The following FARSB variants were observed in gnomAD, a reference collection of about 807,000 sequenced individuals.
The protein encoded by FARSB is phenylalanine--tRNA ligase beta subunit.
Under a neutral mutation model 69.6 loss-of-function variants are expected in FARSB, and 40 were observed. The ratio of observed to expected loss-of-function variants is 0.57; its 90% CI spans 0.45 to 0.75. The LOEUF (loss-of-function observed/expected upper bound fraction) is 0.75, where lower values mean the gene tolerates loss of function less well. FARSB is among the 30% of genes least tolerant of loss of function. The pLI, the probability that FARSB is intolerant of heterozygous loss-of-function variation, is 0.00. For synonymous variants in FARSB, 235 were observed against 247.2 expected (o/e 0.95, Z 0.46); for missense variants, 632 against 722.9 (o/e 0.87, Z 1.44).
chr2:222,602,642 C>T (rs1201119571), intron 15 of FARSB, among the ~76,000 whole-genome samples: 5 of 148,222 alleles, frequency 3.4e-5, no homozygotes, highest in Non-Finnish European at 7.4e-5. Context: ...TATTATTATA[C>T]TTTAAGTTTT....
chr2:222,617,844 C>A (rs2106213372), intron 14 of FARSB, among the ~76,000 whole-genome samples: 1 of 152,338 alleles, frequency 6.6e-6, no homozygotes, highest in South Asian at 2.1e-4. Flanking sequence ...GATCAGGACA[C>A]TGCACTTCAG....
At chr2:222,623,284 T>C (rs1691186486) in intron 13 of FARSB, among the ~76,000 whole-genome samples, 1 of 152,164 alleles carries the variant, frequency 6.6e-6, no homozygotes, top group South Asian at 2.1e-4. Context: ...CCACAAGCCT[T>C]TACCCAGGAC....
chr2:222,591,393 A>G (rs1208432281), intron 16 of FARSB, among the ~76,000 whole-genome samples: 1 of 152,192 alleles, frequency 6.6e-6, no homozygotes, highest in Admixed American at 6.5e-5. Flanking sequence ...ACTAGAGAAC[A>G]CCCAAAGCCT....
chr2:222,641,075 T>TA (rs757997052), intron 3 of FARSB, 144 bp from the exon 4 acceptor site: 22,684 of 268,192 alleles, frequency 0.085, no homozygotes, highest in Middle Eastern at 0.12. Context: ...GGCTGAACAC[T>TA]AAAAAAAAAA....
chr2:222,603,489 G>C (rs891030055), intron 15 of FARSB, among the ~76,000 whole-genome samples: 6 of 151,566 alleles, frequency 4.0e-5, no homozygotes, highest in Non-Finnish European at 5.9e-5. Context: ...CACATGCTAG[G>C]TATTAACTAT....
chr2:222,571,596 G>A lies in FARSB; in HGVS notation c.*275C>T, dbSNP rs1337660463. On this transcript the variant is annotated 3_prime_UTR_variant, in exon 17 of 17. Transcript: ENST00000281828. ...GTCTGAGGAGCACGTCTGCCTTTCA[G>A]AACAGATCCTGCACTCTGCTAGTGC... 1.4e-5 allele frequency: 4 copies of A among 283,898 alleles called. No homozygotes were observed. Among genetic ancestry groups the A allele is most frequent in the Non-Finnish European group, 2.6e-5 (4 of 153,570 alleles). 17.6% of individuals were successfully genotyped at this position (283,898 alleles called of 1,614,324 possible). A position where few individuals can be genotyped will look rare whatever the true frequency, so the allele number is the denominator to read the frequency against.
intron 10 of FARSB, among the ~76,000 whole-genome samples, chr2:222,627,793 G>T (rs1423201979): frequency 6.6e-6 from 1 of 152,152 alleles, no homozygotes; most frequent in Admixed American, 6.5e-5. Flanking sequence ...ATCTTAGCAG[G>T]TTTCATCTAC....
rs1182653730 is a variant in FARSB at position 222,570,949 on chromosome 2, T to C, written c.*922A>G. 6.6e-6 allele frequency: 1 copy of C among 152,132 alleles called. No homozygotes were observed. Among genetic ancestry groups the C allele is most frequent in the Non-Finnish European group, 1.5e-5 (1 of 68,008 alleles). 9.4% of individuals were successfully genotyped at this position (152,132 alleles called of 1,614,324 possible). ...GCTTTTTTCCAGAGATGGTACCTAC[T>C]GGAGAATTCTAGATTGAAGTAAGAA... On this transcript the variant is annotated 3_prime_UTR_variant, in exon 17 of 17. Transcript: ENST00000281828.
intron 6 of FARSB, 135 bp from the exon 7 acceptor site, chr2:222,633,442 G>A (rs1438462611): frequency 6.1e-6 from 3 of 494,120 alleles, no homozygotes; most frequent in Non-Finnish European, 7.1e-6. Context: ...CAGCACTTTG[G>A]GAGGCTGAGG....
At chr2:222,605,230 G>GA (rs1267271853) in intron 15 of FARSB, among the ~76,000 whole-genome samples, 2 of 142,500 alleles carry the variant, frequency 1.4e-5, no homozygotes, top group African/African-American at 5.4e-5. Context: ...CCTCTGAAGG[G>GA]AAAAAAATGA....
chr2:222,582,226 ACC>A (rs1450524643), intron 16 of FARSB, among the ~76,000 whole-genome samples: 1 of 152,226 alleles, frequency 6.6e-6, no homozygotes, highest in Non-Finnish European at 1.5e-5. Context: ...AAAATGAAGT[ACC>A]CCAGAGAAGT....
intron 16 of FARSB, 22 bp downstream of exon 16, chr2:222,599,906 G>A (rs1450853871): frequency 1.3e-6 from 2 of 1,553,474 alleles, no homozygotes. Flanking sequence ...CACTAACTCT[G>A]GATTCGGCTC....
chr2:222,599,795 T>C lies in FARSB; in HGVS notation c.1618+133A>G, dbSNP rs116228902. On this transcript the variant is annotated intron_variant, in intron 16 of 16. Transcript: ENST00000281828. ...GAAAGGGGATATTTTCTGGATAATA[T>C]TGACAATTAATTGAAATAAAACTCT... 1.7e-3 allele frequency: 1,214 copies of C among 704,700 alleles called. 16 individuals are homozygous for C. The African/African-American group carries it at 0.019, about 11-fold the overall frequency. 43.7% of individuals were successfully genotyped at this position (704,700 alleles called of 1,614,324 possible). A position where few individuals can be genotyped will look rare whatever the true frequency, so the allele number is the denominator to read the frequency against.
rs188262470 is a variant in FARSB at position 222,647,660 on chromosome 2, G to C, written c.114+1080C>G. ...CCTTCCTGTAATCCCAGCTACTCAGGAGGCTGAGGCAGGAGAATCGCCTGA... is the reference window on the plus strand; with the variant it reads ...CCTTCCTGTAATCCCAGCTACTCAGCAGGCTGAGGCAGGAGAATCGCCTGA... On this transcript the variant is annotated intron_variant, in intron 2 of 16. Transcript: ENST00000281828. Among the ~76,000 whole-genome samples, 3 of 152,354 alleles carry C rather than the reference G, an allele frequency of 2.0e-5. No homozygotes were observed. In the East Asian group the frequency reaches 5.8e-4, roughly 29 times the overall value.
intron 7 of FARSB, among the ~76,000 whole-genome samples, chr2:222,632,304 C>G (rs925571627): frequency 2.6e-5 from 4 of 152,220 alleles, no homozygotes; most frequent in African/African-American, 7.2e-5. Context: ...GTTGTCTCCT[C>G]TAATCTTTAC....
intron 5 of FARSB, among the ~76,000 whole-genome samples, chr2:222,635,074 A>T (rs982888741): frequency 1.3e-5 from 2 of 152,246 alleles, no homozygotes; most frequent in Non-Finnish European, 2.9e-5. Flanking sequence ...TTTAATGTAT[A>T]AGGAAAGTTC....
rs145031407 is a variant in FARSB at position 222,577,677 on chromosome 2, C to T, written c.1619-5655G>A. ...ATGGAGCAATGTCTTCAATAAACAA[C>T]CATCTTTTAACAATTACCACAATCT... On this transcript the variant is annotated intron_variant, in intron 16 of 16. Coordinates refer to ENST00000281828, the MANE Select transcript of FARSB (RefSeq NM_005687.5). 1.6e-4 allele frequency among the ~76,000 whole-genome samples: 25 copies of T among 152,324 alleles called. 1 individual carries two copies. In the East Asian group the frequency reaches 4.4e-3, roughly 27 times the overall value.
At chr2:222,623,107 A>G (rs1691182370) in intron 13 of FARSB, among the ~76,000 whole-genome samples, 1 of 152,164 alleles carries the variant, frequency 6.6e-6, no homozygotes, top group Non-Finnish European at 1.5e-5. Context: ...AATTGCATAC[A>G]CATTTTATTC....
intron 3 of FARSB, among the ~76,000 whole-genome samples, chr2:222,641,432 A>G (rs934711654): frequency 1.3e-5 from 2 of 152,226 alleles, no homozygotes; most frequent in African/African-American, 4.8e-5. Flanking sequence ...AACTCTTATC[A>G]TAGGGAGAAG....
Sources: gnomAD v4.1 joint callset for allele counts (sites outside exome capture counted in the v4.1 genomes callset) on GRCh38, gnomAD v4.1.1 for gene constraint, MANE v1.5 for transcripts, NCBI Gene and HGNC (gene_info 2026-07-23, HGNC 2026-07-21) for gene names.